SYT16: variants seen among roughly 807,000 people sequenced by gnomAD.
The protein encoded by SYT16 is synaptotagmin-16.
SYT16 carries 42 observed loss-of-function variants against 61.4 expected under a neutral mutation model. The observed-to-expected ratio is 0.68, with a 90% CI of 0.53 to 0.89. The LOEUF is 0.89. Ranked by LOEUF, SYT16 falls within the 40% of genes least tolerant of loss-of-function variation. The probability of loss-of-function intolerance (pLI) is 0.00; values close to 1 mark genes in which losing one functional copy is unlikely to be tolerated. For missense variants in SYT16, 804 were observed against 807.3 expected (o/e 1.00, Z 0.05); for synonymous variants, 314 against 302.3 (o/e 1.04, Z -0.40).
intron 3 of SYT16, among the ~76,000 whole-genome samples, chr14:62,028,370 A>C (rs555086630): frequency 6.6e-6 from 1 of 152,298 alleles, no homozygotes; most frequent in African/African-American, 2.4e-5. Flanking sequence ...CAATCCTCCC[A>C]ACAATTCTGT....
intron 7 of SYT16, among the ~76,000 whole-genome samples, chr14:62,097,937 A>G (rs2057319280): frequency 6.6e-6 from 1 of 152,210 alleles, no homozygotes; most frequent in Non-Finnish European, 1.5e-5. Flanking sequence ...TCAGAAACAC[A>G]AATCCACTCC....
rs138584025 is a variant in SYT16, at chr14:62,035,927, A to G, written c.524-33676A>G. ...GCTAATTAATTACTGCCTTCATTCAATAAATATTTATCGAGCAGCTGCTGT... is the reference window on the plus strand; with the variant it reads ...GCTAATTAATTACTGCCTTCATTCAGTAAATATTTATCGAGCAGCTGCTGT... On this transcript the variant is annotated intron_variant, in intron 3 of 7. Transcript: ENST00000683842. 5.8e-3 allele frequency among the ~76,000 whole-genome samples: 876 copies of G among 152,296 alleles called. 4 individuals are homozygous for G. The highest frequency in any genetic ancestry group is 7.9e-3 in the Non-Finnish European group (538 of 68,028).
chr14:62,009,325 A>G (rs1355425234), intron 3 of SYT16, among the ~76,000 whole-genome samples: 2 of 152,198 alleles, frequency 1.3e-5, no homozygotes, highest in Non-Finnish European at 2.9e-5. Context: ...AAAAATTTAT[A>G]ATGACACTTC....
chr14:62,064,587 T>A (rs1225817959), intron 3 of SYT16, among the ~76,000 whole-genome samples: 2 of 152,180 alleles, frequency 1.3e-5, no homozygotes, highest in Non-Finnish European at 2.9e-5. Context: ...ATCCATTTTG[T>A]CCAGAATTTA....
intron 1 of SYT16, among the ~76,000 whole-genome samples, chr14:61,933,942 C>T (rs918446970): frequency 4.6e-5 from 7 of 151,958 alleles, no homozygotes; most frequent in African/African-American, 7.3e-5. Flanking sequence ...TATATACACA[C>T]GTACACATGC....
In SYT16 at chr14:61,817,318, G is replaced by A. The variant is rs146964065; in HGVS notation, c.-325+4508G>A. Among the ~76,000 whole-genome samples, 338 of 151,188 alleles carry A rather than the reference G, an allele frequency of 2.2e-3. 6 individuals are homozygous for A. The highest frequency in any genetic ancestry group is 1.8e-3 in the East Asian group (9 of 5,114). ...CTGTAATCCCAGCTACTTGGGAGGC[G>A]GAGGCAGGAGAATCTCTTGAACCCA... is the stretch of plus-strand genomic sequence containing the variant. On this transcript the variant is annotated intron_variant, in intron 1 of 7. Coordinates refer to ENST00000683842, the MANE Select transcript of SYT16 (RefSeq NM_001367656.1).
intron 5 of SYT16, among the ~76,000 whole-genome samples, chr14:62,078,138 GCTCT>G (rs749939385): frequency 1.5e-4 from 20 of 133,658 alleles, no homozygotes; most frequent in African/African-American, 3.3e-4. Context: ...GTGCTCTCTC[GCTCT>G]CTCTCTCTCT....
At chr14:61,954,683 G>T (rs1335931463) in intron 1 of SYT16, among the ~76,000 whole-genome samples, 1 of 152,092 alleles carries the variant, frequency 6.6e-6, no homozygotes, top group Non-Finnish European at 1.5e-5. Flanking sequence ...ATATAGGGAT[G>T]CAACATGCCT....
intron 3 of SYT16, among the ~76,000 whole-genome samples, chr14:62,008,631 CTTT>C (rs374026559): frequency 3.5e-4 from 47 of 134,908 alleles, no homozygotes; most frequent in Non-Finnish European, 3.5e-4. Context: ...TTTCTGTTTT[CTTT>C]TTTTTTTTTT....
At chr14:61,897,091 C>G (rs1005768971) in intron 1 of SYT16, among the ~76,000 whole-genome samples, 14 of 152,288 alleles carry the variant, frequency 9.2e-5, no homozygotes, top group Non-Finnish European at 2.1e-4. Context: ...ATGTGGAATT[C>G]AAGTTTCAAT....
intron 3 of SYT16, among the ~76,000 whole-genome samples, chr14:62,022,686 G>A (rs2140765306): frequency 6.6e-6 from 1 of 151,444 alleles, no homozygotes; most frequent in African/African-American, 2.4e-5. Context: ...TTTACTATCC[G>A]GTTTTAAAAA....
intron 3 of SYT16, among the ~76,000 whole-genome samples, chr14:62,030,922 A>G (rs908897411): frequency 3.9e-5 from 6 of 152,294 alleles, no homozygotes; most frequent in African/African-American, 1.4e-4. Context: ...GTGCTCCCAG[A>G]CTATGTGGGA....
At chr14:62,065,069 A>T (rs1296740032) in intron 3 of SYT16, among the ~76,000 whole-genome samples, 1 of 152,162 alleles carries the variant, frequency 6.6e-6, no homozygotes, top group African/African-American at 2.4e-5. Flanking sequence ...TCACATCTAC[A>T]CTACTACTGC....
At chr14:61,835,250 ATTTTTTT>A (rs11378872) in intron 1 of SYT16, among the ~76,000 whole-genome samples, 43 of 110,810 alleles carry the variant, frequency 3.9e-4, no homozygotes, top group Admixed American at 1.3e-3. Flanking sequence ...TGAAAGGTGA[ATTTTTTT>A]TTTTTTTTTT....
At chr14:61,942,627 G>C (rs1286460809) in intron 1 of SYT16, among the ~76,000 whole-genome samples, 1 of 152,182 alleles carries the variant, frequency 6.6e-6, no homozygotes, top group Non-Finnish European at 1.5e-5. Flanking sequence ...TATGTACTGA[G>C]TATTTTTGGT....
At chr14:61,847,034 G>C (rs1389156667) in intron 1 of SYT16, among the ~76,000 whole-genome samples, 2 of 152,014 alleles carry the variant, frequency 1.3e-5, no homozygotes, top group African/African-American at 4.8e-5. Flanking sequence ...AAAAGTTGTT[G>C]TTATTATTTT....
At chr14:62,025,008 G>A (rs999577449) in intron 3 of SYT16, among the ~76,000 whole-genome samples, 11 of 151,972 alleles carry the variant, frequency 7.2e-5, no homozygotes, top group Non-Finnish European at 1.5e-4. Context: ...TTATCTAGAT[G>A]TAACAGTTTA....
At chr14:62,008,878 T>G (rs2053333112) in intron 3 of SYT16, among the ~76,000 whole-genome samples, 2 of 152,168 alleles carry the variant, frequency 1.3e-5, no homozygotes, top group Non-Finnish European at 2.9e-5. Flanking sequence ...TGATGAACAT[T>G]TAGTTTGTTT....
intron 1 of SYT16, among the ~76,000 whole-genome samples, chr14:61,941,239 C>T (rs1294337578): frequency 6.6e-6 from 1 of 152,148 alleles, no homozygotes; most frequent in Non-Finnish European, 1.5e-5. Flanking sequence ...CAGGACTTTA[C>T]CAGTCACTAG....
Sources: gnomAD v4.1 joint callset for allele counts (sites outside exome capture counted in the v4.1 genomes callset) on GRCh38, gnomAD v4.1.1 for gene constraint, MANE v1.5 for transcripts, NCBI Gene and HGNC (gene_info 2026-07-23, HGNC 2026-07-21) for gene names.